ALPL: variants seen among roughly 807,000 people sequenced by gnomAD.
ALPL encodes alkaline phosphatase, biomineralization associated.
A neutral mutation model predicts 51.3 loss-of-function variants in ALPL; 42 were observed. The ratio of observed to expected loss-of-function variants is 0.82; its 90% CI spans 0.64 to 1.06. The LOEUF (loss-of-function observed/expected upper bound fraction) is 1.06. ALPL is among the 50% of genes least tolerant of loss of function. The pLI, the probability that ALPL is intolerant of heterozygous loss-of-function variation, is 0.00. For synonymous variants in ALPL, 279 were observed against 296.4 expected, an observed-to-expected ratio of 0.94 and a Z score of 0.60; for missense variants, 589 against 709.4, an observed-to-expected ratio of 0.83 and a Z score of 1.93.
intron 1 of ALPL, among the ~76,000 whole-genome samples, chr1:21,532,454 G>A (rs1250732713): frequency 6.6e-6 from 1 of 152,174 alleles, no homozygotes; most frequent in African/African-American, 2.4e-5. Context: ...GCCTCCTGAA[G>A]TGCTGGGATT....
chr1:21,537,702 TG>T (rs1036072600), intron 1 of ALPL, among the ~76,000 whole-genome samples: 5 of 152,120 alleles, frequency 3.3e-5, no homozygotes, highest in Non-Finnish European at 1.5e-5. Context: ...GTGACTGAGA[TG>T]GGGGTGGCAC....
chr1:21,526,502 A>T (rs1304281884), intron 1 of ALPL, among the ~76,000 whole-genome samples: 1 of 152,098 alleles, frequency 6.6e-6, no homozygotes, highest in Non-Finnish European at 1.5e-5. Context: ...GGTGTTTTTA[A>T]TCATTCAGTT....
In ALPL at chr1:21,509,815, G is replaced by A. The variant is rs1450031941; in HGVS notation, c.-105+298G>A. Among the ~76,000 whole-genome samples, 1 of 152,086 alleles carries A rather than the reference G, an allele frequency of 6.6e-6. No individual in the cohort carries two copies. The highest frequency in any genetic ancestry group is 1.5e-5 in the Non-Finnish European group (1 of 67,986). The stretch of plus-strand genomic sequence containing the variant: ...CTCGGGACCGCCCTGCAGTCCCAGG[G>A]TCTCCTACCTCCCGAGCCGCTGCCT... On this transcript the variant is annotated intron_variant, in intron 1 of 11. Coordinates refer to ENST00000374840, the MANE Select transcript of ALPL (RefSeq NM_000478.6). This position sits in a 1 kb window ranked among gnomAD's most constrained non-coding sequence, Gnocchi z 6.0.
chr1:21,555,525 T>C (rs944103343), intron 2 of ALPL, among the ~76,000 whole-genome samples: 1 of 152,124 alleles, frequency 6.6e-6, no homozygotes, highest in African/African-American at 2.4e-5. Context: ...CAAGTGATCC[T>C]CCTGCCTCAG....
chr1:21,534,390 G>C (rs1644070184), intron 1 of ALPL, among the ~76,000 whole-genome samples: 1 of 152,216 alleles, frequency 6.6e-6, no homozygotes, highest in Non-Finnish European at 1.5e-5. Context: ...GCAGAACAAA[G>C]GTGGGTTGGA....
At chr1:21,540,027 C>T (rs1247285200) in intron 1 of ALPL, among the ~76,000 whole-genome samples, 1 of 152,118 alleles carries the variant, frequency 6.6e-6, no homozygotes, top group Non-Finnish European at 1.5e-5. Flanking sequence ...CAGGGAGGCT[C>T]CCCCTGCAGA....
At chr1:21,519,641 A>G (rs1485715498) in intron 1 of ALPL, among the ~76,000 whole-genome samples, 1 of 152,210 alleles carries the variant, frequency 6.6e-6, no homozygotes, top group African/African-American at 2.4e-5. Context: ...TACTAAGAAT[A>G]CAAAAACTAG....
chr1:21,550,153 G>A (rs1036842777), intron 1 of ALPL, among the ~76,000 whole-genome samples: 2 of 152,204 alleles, frequency 1.3e-5, no homozygotes, highest in African/African-American at 4.8e-5. Context: ...GATTTTTGGG[G>A]TGGCAGAGCT....
chr1:21,540,168 T>C (rs1644163934), intron 1 of ALPL, among the ~76,000 whole-genome samples: 1 of 152,102 alleles, frequency 6.6e-6, no homozygotes, highest in African/African-American at 2.4e-5. Context: ...GGGCAGAACA[T>C]GTCCTTTCCA....
chr1:21,548,865 C>T (rs1190586022), intron 1 of ALPL, among the ~76,000 whole-genome samples: 1 of 152,192 alleles, frequency 6.6e-6, no homozygotes, highest in East Asian at 1.9e-4. Flanking sequence ...AGCATTCTGT[C>T]CGTGGGGGTG....
At chr1:21,576,472 T>G in intron 10 of ALPL, 50 bp from the exon 11 acceptor site, 3 of 1,605,502 alleles carry the variant, frequency 1.9e-6, no homozygotes, top group Non-Finnish European at 2.6e-6. Flanking sequence ...GGCTGGGGAC[T>G]GTACTCCTGG....
chr1:21,516,921 A>G (rs767593253), intron 1 of ALPL, among the ~76,000 whole-genome samples: 5 of 152,214 alleles, frequency 3.3e-5, no homozygotes, highest in Admixed American at 1.3e-4. Flanking sequence ...GAAAAATATC[A>G]TAAGTAGAAA....
chr1:21,550,367 G>A (rs1445277749), intron 1 of ALPL, among the ~76,000 whole-genome samples: 1 of 152,140 alleles, frequency 6.6e-6, no homozygotes, highest in African/African-American at 2.4e-5. Context: ...CCTTGGGCAA[G>A]TCTCCGTCCA....
intron 1 of ALPL, among the ~76,000 whole-genome samples, chr1:21,533,789 C>T (rs79009615): frequency 6.6e-6 from 1 of 151,580 alleles, no homozygotes; most frequent in Non-Finnish European, 1.5e-5. Flanking sequence ...CAGGTGTGGT[C>T]GTGGGCGCCT....
At chr1:21,521,846 AT>A (rs1337680918) in intron 1 of ALPL, among the ~76,000 whole-genome samples, 1 of 152,160 alleles carries the variant, frequency 6.6e-6, no homozygotes, top group East Asian at 1.9e-4. Flanking sequence ...TTTAATAATA[AT>A]AATAGTCATA....
In ALPL at chr1:21,576,580, C is replaced by T; in HGVS notation, c.1248C>T (p.Gly416=). The change falls in exon 11 of 12, where the codon GGC becomes GGT. Residue 416 remains glycine (G), a synonymous_variant. Transcript: ENST00000374840. ...DKKPFTAILY[G]NGPGYKVVGG... ...AGCCCTTCACTGCCATCCTGTATGGCAATGGGCCTGGCTACAAGGTGGTGG... is the reference window on the plus strand; with the variant it reads ...AGCCCTTCACTGCCATCCTGTATGGTAATGGGCCTGGCTACAAGGTGGTGG... The T allele has an allele frequency of 6.2e-7, 1 of 1,613,958 alleles. No homozygotes were observed. The highest frequency in any genetic ancestry group is 8.5e-7 in the Non-Finnish European group (1 of 1,179,944).
At chr1:21,554,867 T>C (rs369074980) in intron 2 of ALPL, among the ~76,000 whole-genome samples, 13 of 136,408 alleles carry the variant, frequency 9.5e-5, no homozygotes, top group Non-Finnish European at 1.2e-4. Flanking sequence ...CTTTCTTTCT[T>C]TCTTTCTCTC....
At chr1:21,546,461 C>T (rs528256269) in intron 1 of ALPL, among the ~76,000 whole-genome samples, 23 of 152,288 alleles carry the variant, frequency 1.5e-4, no homozygotes, top group Admixed American at 7.2e-4. Flanking sequence ...CTCTCTGGGC[C>T]GTTTCTGAAT....
At chr1:21,557,487 T>C (rs984989634) in intron 2 of ALPL, among the ~76,000 whole-genome samples, 3 of 152,242 alleles carry the variant, frequency 2.0e-5, no homozygotes, top group African/African-American at 7.2e-5. Context: ...GTCCCTGCCT[T>C]CTCAGCACTT....
Sources: allele counts gnomAD v4.1 joint callset (sites outside exome capture counted in the v4.1 genomes callset), GRCh38; gene constraint gnomAD v4.1.1; non-coding constraint Gnocchi (gnomAD v3.1); transcripts MANE v1.5; gene names NCBI Gene and HGNC (gene_info 2026-07-23, HGNC 2026-07-21).